PISD: variants seen among roughly 807,000 people sequenced by gnomAD.
The protein encoded by PISD is phosphatidylserine decarboxylase proenzyme, mitochondrial.
A neutral mutation model predicts 43.5 loss-of-function variants in PISD; 31 were observed. That is an observed-to-expected ratio of 0.71 (90% CI 0.54 to 0.96). The LOEUF is 0.96. Ranked by LOEUF, PISD falls within the 40% of genes least tolerant of loss-of-function variation. PISD has a pLI of 0.00. For missense variants in PISD, 523 were observed against 548.4 expected, an observed-to-expected ratio of 0.95 and a Z score of 0.46; for synonymous variants, 259 against 228.7, an observed-to-expected ratio of 1.13 and a Z score of -1.20.
chr22:31,648,481 C>T (rs138348841), intron 2 of PISD, among the ~76,000 whole-genome samples: 1,980 of 151,946 alleles, frequency 0.013, 36 homozygotes, highest in African/African-American at 0.04. Context: ...ATCGAGACCA[C>T]GGTGAAACCC....
intron 1 of PISD, among the ~76,000 whole-genome samples, chr22:31,655,594 C>T (rs2147809987): frequency 6.6e-6 from 1 of 152,346 alleles, no homozygotes; most frequent in Non-Finnish European, 1.5e-5. Context: ...TCTGGGATTA[C>T]AGGCATGAGC....
At chr22:31,659,443 T>C (rs745536504) in intron 1 of PISD, among the ~76,000 whole-genome samples, 4 of 152,144 alleles carry the variant, frequency 2.6e-5, no homozygotes, top group Non-Finnish European at 5.9e-5. Context: ...CATAAATATT[T>C]CTGATGGAAG....
At chr22:31,646,975 T>C (rs1416328185) in intron 3 of PISD, among the ~76,000 whole-genome samples, 1 of 152,074 alleles carries the variant, frequency 6.6e-6, no homozygotes, top group African/African-American at 2.4e-5. Flanking sequence ...AGGTATCTCT[T>C]AGGGTAACTC....
chr22:31,660,880 C>G (rs992401219), intron 1 of PISD, among the ~76,000 whole-genome samples: 1 of 152,022 alleles, frequency 6.6e-6, no homozygotes, highest in Non-Finnish European at 1.5e-5. Flanking sequence ...ATTACAGGTG[C>G]CTGCCACCAT....
chr22:31,634,833 T>TC (rs1556418321), intron 3 of PISD, among the ~76,000 whole-genome samples: 1 of 17,700 alleles, frequency 5.6e-5, no homozygotes, highest in Non-Finnish European at 1.3e-4. Flanking sequence ...AGACTCCATC[T>TC]CAAAAAAAAA....
At chr22:31,631,151 T>C (rs1480313331) in intron 3 of PISD, among the ~76,000 whole-genome samples, 1 of 152,194 alleles carries the variant, frequency 6.6e-6, no homozygotes, top group Non-Finnish European at 1.5e-5. Context: ...GTCCTCAGTC[T>C]GTCCGCTGGT....
In PISD at chr22:31,621,157, CA is replaced by C. The variant is rs759665981; in HGVS notation, c.698-16del. On this transcript the variant is annotated splice_polypyrimidine_tract_variant and intron_variant, in intron 5 of 7. Coordinates refer to ENST00000439502, the MANE Select transcript of PISD (RefSeq NM_001326411.2). ...ACACGACGCGGCTGTGGAGTAGGAG[CA>C]GACGTGGGGGCCACCAACACAGTGA... The C allele has an allele frequency of 1.9e-6, 3 of 1,614,122 alleles. No homozygotes were observed. The highest frequency in any genetic ancestry group is 2.5e-6 in the Non-Finnish European group (3 of 1,180,028).
chr22:31,658,705 C>A (rs1048204964), intron 1 of PISD, among the ~76,000 whole-genome samples: 2 of 151,712 alleles, frequency 1.3e-5, no homozygotes, highest in Admixed American at 6.6e-5. Flanking sequence ...GTGCACCCAG[C>A]CATTTTTTGC....
chr22:31,618,621 G>A lies in PISD; in HGVS notation c.*991C>T. On this transcript the variant is annotated 3_prime_UTR_variant, in exon 8 of 8. Coordinates refer to ENST00000439502, the MANE Select transcript of PISD (RefSeq NM_001326411.2). ...GAAAAAATTCAATGATGTCTCTCCT[G>A]CAGGAGAAATTCACAGCATCCCCAG... 2.1e-6 allele frequency: 1 copy of A among 483,868 alleles called. No individual in the cohort carries two copies. The highest frequency in any genetic ancestry group is 3.4e-6 in the Non-Finnish European group (1 of 292,808). 30.0% of individuals were successfully genotyped at this position (483,868 alleles called of 1,614,324 possible).
intron 3 of PISD, among the ~76,000 whole-genome samples, chr22:31,634,390 C>T (rs1378032893): frequency 6.6e-6 from 1 of 152,228 alleles, no homozygotes; most frequent in South Asian, 2.1e-4. Context: ...CTATCCCTGC[C>T]CAACTCCCCA....
At chr22:31,639,877 C>G (rs1260380396) in intron 3 of PISD, among the ~76,000 whole-genome samples, 1 of 152,186 alleles carries the variant, frequency 6.6e-6, no homozygotes, top group Admixed American at 6.5e-5. Context: ...CAAGTGAACA[C>G]TCAGGCCAAG....
At chr22:31,621,920 C>T (rs924183966) in intron 3 of PISD, 35 bp from the exon 4 acceptor site, 22 of 1,497,988 alleles carry the variant, frequency 1.5e-5, no homozygotes, top group Non-Finnish European at 2.0e-5. Flanking sequence ...GAGTTGACCA[C>T]ACTGCCCCAG....
chr22:31,636,774 C>T (rs556923005), intron 3 of PISD, among the ~76,000 whole-genome samples: 17 of 151,022 alleles, frequency 1.1e-4, no homozygotes, highest in Non-Finnish European at 2.2e-4. Context: ...GATCTCCTGA[C>T]CTTGTGATCT....
chr22:31,625,002 C>T (rs1394610052), intron 3 of PISD, among the ~76,000 whole-genome samples: 1 of 152,196 alleles, frequency 6.6e-6, no homozygotes, highest in Non-Finnish European at 1.5e-5. Context: ...CACTGCCATC[C>T]ACTCAGAACG....
rs376113897 is a variant in PISD at position 31,662,106 on chromosome 22, G to A, written c.65+38C>T. The A allele has an allele frequency of 4.4e-6, 7 of 1,574,226 alleles. No homozygotes were observed. In the African/African-American group the frequency reaches 9.4e-5, roughly 21 times the overall value. On this transcript the variant is annotated intron_variant, in intron 1 of 7. Transcript: ENST00000439502. ...TTCAGACCCCAGCTTGGTCCAGGTT[G>A]CCCCACGCCCCAAGGTAGTCTCTCC...
intron 3 of PISD, among the ~76,000 whole-genome samples, chr22:31,633,563 C>T (rs1712208602): frequency 6.6e-6 from 1 of 152,170 alleles, no homozygotes; most frequent in African/African-American, 2.4e-5. Flanking sequence ...AAAATACAAA[C>T]AATTAGCCAG....
intron 3 of PISD, among the ~76,000 whole-genome samples, chr22:31,634,769 C>A (rs1340621638): frequency 1.6e-5 from 2 of 127,460 alleles, no homozygotes; most frequent in Non-Finnish European, 3.1e-5. Context: ...ACCTAGGAAG[C>A]AGAGGTTGCA....
In PISD at chr22:31,627,947, G is replaced by C. The variant is rs1269980735; in HGVS notation, c.322-6062C>G. On this transcript the variant is annotated intron_variant, in intron 3 of 7. Coordinates refer to ENST00000439502, the MANE Select transcript of PISD (RefSeq NM_001326411.2). The stretch of plus-strand genomic sequence containing the variant: ...CCAGGTCAGATGCCCATCAGGGAAA[G>C]GTGAGCCCTGGAGAGACTAAGAACC... The C allele has an allele frequency of 3.5e-6, 3 of 846,892 alleles. No homozygotes were observed. The African/African-American group carries it at 5.5e-5, about 16-fold the overall frequency. 52.5% of individuals were successfully genotyped at this position (846,892 alleles called of 1,614,324 possible).
intron 3 of PISD, among the ~76,000 whole-genome samples, chr22:31,639,835 C>T (rs1253304307): frequency 6.6e-6 from 1 of 152,162 alleles, no homozygotes; most frequent in Non-Finnish European, 1.5e-5. Flanking sequence ...TCTATGTCAA[C>T]AGCCAAAGCC....
Sources: allele counts gnomAD v4.1 joint callset (sites outside exome capture counted in the v4.1 genomes callset), GRCh38; gene constraint gnomAD v4.1.1; transcripts MANE v1.5; gene names NCBI Gene and HGNC (gene_info 2026-07-23, HGNC 2026-07-21).